Variants in GTF2E1 observed in about 807,000 individuals in gnomAD.
GTF2E1 encodes TFIIE alpha subunit.
In GTF2E1, 14 loss-of-function variants were observed where a neutral mutation model predicts 34.9. That is an observed-to-expected ratio of 0.40 (90% CI 0.27 to 0.63). The LOEUF (loss-of-function observed/expected upper bound fraction) is 0.63, where lower values mean the gene tolerates loss of function less well. Ranked by LOEUF, GTF2E1 falls within the 20% of genes least tolerant of loss-of-function variation. GTF2E1 has a pLI of 0.39. For missense variants in GTF2E1, 469 were observed against 557.7 expected, an observed-to-expected ratio of 0.84 and a Z score of 1.60; for synonymous variants, 188 against 192.9, an observed-to-expected ratio of 0.97 and a Z score of 0.21.
At chr3:120,762,544 G>C (rs1166873344) in intron 2 of GTF2E1, among the ~76,000 whole-genome samples, 2 of 152,130 alleles carry the variant, frequency 1.3e-5, no homozygotes, top group Admixed American at 6.5e-5. Context: ...AGTAATGCTT[G>C]GTCAACTTTT....
At chr3:120,763,047 C>T (rs951646037) in intron 2 of GTF2E1, among the ~76,000 whole-genome samples, 5 of 152,142 alleles carry the variant, frequency 3.3e-5, no homozygotes, top group Non-Finnish European at 7.4e-5. Context: ...AACGCACAGG[C>T]ATAATGGAGA....
intron 1 of GTF2E1, among the ~76,000 whole-genome samples, chr3:120,743,804 G>A (rs1049638776): frequency 2.6e-5 from 4 of 152,200 alleles, no homozygotes; most frequent in Non-Finnish European, 5.9e-5. Flanking sequence ...ATGCTGGTGT[G>A]GCTGGTTATG....
intron 2 of GTF2E1, among the ~76,000 whole-genome samples, chr3:120,754,057 A>G (rs1390047107): frequency 1.3e-5 from 2 of 152,208 alleles, no homozygotes; most frequent in East Asian, 1.9e-4. Context: ...CATGTTTTAG[A>G]TTTAGCAAGC....
At chr3:120,775,555 T>G (rs1178390267) in intron 3 of GTF2E1, among the ~76,000 whole-genome samples, 1 of 152,070 alleles carries the variant, frequency 6.6e-6, no homozygotes, top group Non-Finnish European at 1.5e-5. Flanking sequence ...TGGAACAGAT[T>G]GAGAGTGAAA....
chr3:120,771,015 G>A, intron 3 of GTF2E1, 86 bp downstream of exon 3: 5 of 1,072,918 alleles, frequency 4.7e-6, no homozygotes, highest in Non-Finnish European at 7.2e-6. Context: ...ACAAGAGTGG[G>A]TAATTTACTA....
rs748526228 is a variant in GTF2E1 at position 120,776,547 on chromosome 3, G to C, written c.775G>C (p.Asp259His). ...CACTCAGAATGTTGTCATTAACATG[G>C]ATGACCAAGAAGATCTTCATCGAGC... The part of the protein sequence containing the change: ...LYTQNVVINM[D>H]DQEDLHRASL... The change falls in exon 4 of 5, where the codon GAT becomes CAT. Residue 259 changes from aspartate (D) to histidine (H), a missense_variant. Physicochemically the swap from Asp to His is moderately conservative, Grantham distance 81 (BLOSUM62 -1). Coordinates refer to ENST00000283875, the MANE Select transcript of GTF2E1 (RefSeq NM_005513.3). 6.2e-7 allele frequency: 1 copy of C among 1,613,916 alleles called. No individual in the cohort carries two copies. Among genetic ancestry groups the C allele is most frequent in the African/African-American group, 1.3e-5 (1 of 74,904 alleles).
chr3:120,768,701 C>T (rs1414710162), intron 2 of GTF2E1, among the ~76,000 whole-genome samples: 1 of 152,114 alleles, frequency 6.6e-6, no homozygotes, highest in Admixed American at 6.6e-5. Context: ...ATATTCAACC[C>T]TACTTTATGT....
chr3:120,770,777 A>T lies in GTF2E1; in HGVS notation c.498A>T (p.Ser166=). ...ATACAGAGGTAGAAGAGGATGAATCAGCAATGCCCAAAAAAGATGCACGCA... is the reference window on the plus strand; with the variant it reads ...ATACAGAGGTAGAAGAGGATGAATCTGCAATGCCCAAAAAAGATGCACGCA... ...FCHTEVEEDE[S]AMPKKDARTL... Residue 166 remains serine, a synonymous_variant, in exon 3 of 5, where the codon TCA becomes TCT. Transcript: ENST00000283875. The T allele has an allele frequency of 6.2e-7, 1 of 1,613,726 alleles. No homozygotes were observed. Among genetic ancestry groups the T allele is most frequent in the Non-Finnish European group, 8.5e-7 (1 of 1,179,662 alleles).
At chr3:120,757,176 A>G (rs1449094738) in intron 2 of GTF2E1, among the ~76,000 whole-genome samples, 2 of 152,164 alleles carry the variant, frequency 1.3e-5, no homozygotes, top group African/African-American at 2.4e-5. Context: ...ATATTCATCC[A>G]TGTACCATAC....
At chr3:120,760,776 G>A (rs557446232) in intron 2 of GTF2E1, among the ~76,000 whole-genome samples, 64 of 152,218 alleles carry the variant, frequency 4.2e-4, no homozygotes, top group Middle Eastern at 3.4e-3. Flanking sequence ...CGATGAAGCC[G>A]ACTTGATCTT....
At position 120,755,223 on chromosome 3, in the gene GTF2E1, C is replaced by T. The variant is rs116119885; in HGVS notation, c.448+4223C>T. Among the ~76,000 whole-genome samples, 348 of 152,274 alleles carry T rather than the reference C, an allele frequency of 2.3e-3. 3 individuals are homozygous for T. The highest frequency in any genetic ancestry group is 7.8e-3 in the African/African-American group (326 of 41,572). On this transcript the variant is annotated intron_variant, in intron 2 of 4. Transcript: ENST00000283875. ...AAACTTGGTATCTACTTGAGATATTCATATGTAAGTTTGGAGTTAAATCAT... is the reference window on the plus strand; with the variant it reads ...AAACTTGGTATCTACTTGAGATATTTATATGTAAGTTTGGAGTTAAATCAT...
chr3:120,779,470 A>G (rs1477717375), intron 4 of GTF2E1, among the ~76,000 whole-genome samples: 1 of 152,216 alleles, frequency 6.6e-6, no homozygotes, highest in Non-Finnish European at 1.5e-5. Context: ...TCATGTTATC[A>G]AAAGCCTCTT....
intron 1 of GTF2E1, among the ~76,000 whole-genome samples, chr3:120,746,346 A>G (rs1293181966): frequency 6.6e-6 from 1 of 152,104 alleles, no homozygotes; most frequent in Non-Finnish European, 1.5e-5. Flanking sequence ...AAAATTAGAC[A>G]GGCGTGGTGG....
rs1375891584 is a variant in GTF2E1 at position 120,781,517 on chromosome 3, G to A, written c.*47G>A. ...TTTCTCTAATGCTCAGTTCAAAAAG[G>A]AATGTCTCATCTTTGAAGAAAAGTA... On this transcript the variant is annotated 3_prime_UTR_variant, in exon 5 of 5. Transcript: ENST00000283875. 2.8e-6 allele frequency: 4 copies of A among 1,443,600 alleles called. No individual in the cohort carries two copies. In the African/African-American group the frequency reaches 4.2e-5, roughly 15 times the overall value. The allele number at this position is 1,443,600 out of a possible 1,614,324, so 89.4% of individuals were successfully genotyped here.
intron 1 of GTF2E1, among the ~76,000 whole-genome samples, chr3:120,746,031 A>C (rs769923232): frequency 1.4e-4 from 21 of 152,130 alleles, no homozygotes; most frequent in Admixed American, 1.0e-3. Flanking sequence ...ACTGACTTTT[A>C]CTTTTCCTTT....
chr3:120,772,485 T>C (rs902257499), intron 3 of GTF2E1, among the ~76,000 whole-genome samples: 5 of 152,240 alleles, frequency 3.3e-5, no homozygotes, highest in Non-Finnish European at 7.3e-5. Context: ...GTTATTTATT[T>C]CTTTTTGTGT....
chr3:120,776,191 G>A (rs1709397502), intron 3 of GTF2E1, among the ~76,000 whole-genome samples: 1 of 151,960 alleles, frequency 6.6e-6, no homozygotes, highest in Admixed American at 6.5e-5. Flanking sequence ...ATACATCAGA[G>A]GATCCCATGT....
intron 1 of GTF2E1, among the ~76,000 whole-genome samples, chr3:120,748,020 A>C (rs1709123360): frequency 6.6e-6 from 1 of 151,098 alleles, no homozygotes. Flanking sequence ...GCATTTTTTC[A>C]TGTGTTTTTT....
chr3:120,748,515 C>T (rs1356172814), intron 1 of GTF2E1, among the ~76,000 whole-genome samples: 1 of 152,152 alleles, frequency 6.6e-6, no homozygotes, highest in East Asian at 1.9e-4. Flanking sequence ...GGAATCCTTT[C>T]CCCATTGCTT....
Sources: allele counts gnomAD v4.1 joint callset (sites outside exome capture counted in the v4.1 genomes callset), GRCh38; gene constraint gnomAD v4.1.1; transcripts MANE v1.5; gene names NCBI Gene and HGNC (gene_info 2026-07-23, HGNC 2026-07-21).